Variants in LAP3 observed in about 807,000 individuals in gnomAD.
The protein encoded by LAP3 is leucine aminopeptidase 3.
A neutral mutation model predicts 58.8 loss-of-function variants in LAP3; 46 were observed. The ratio of observed to expected loss-of-function variants is 0.78; its 90% CI spans 0.62 to 1.00. LAP3 has a LOEUF of 1.00. Ranked by LOEUF, LAP3 falls within the 50% of genes least tolerant of loss-of-function variation. LAP3 has a pLI of 0.00. For missense variants in LAP3, 615 were observed against 659.1 expected (o/e 0.93, Z 0.73); for synonymous variants, 257 against 237.7 (o/e 1.08, Z -0.75).
chr4:17,589,116 A>C (rs1305378205), intron 7 of LAP3, 139 bp downstream of exon 7: 5 of 821,878 alleles, frequency 6.1e-6, no homozygotes. Context: ...GCTAGAGTGC[A>C]GTGGCGTGAT....
Position 17,607,389 on chromosome 4 carries a change from T to G in LAP3, c.1371-11T>G. On this transcript the variant is annotated splice_polypyrimidine_tract_variant and intron_variant, in intron 12 of 12. Transcript: ENST00000226299. Reference sequence around the variant, plus strand: ...ATGGGGTTGTAAAGTGCTTTTTGTCTTTCTCTTCAGATCTGCAGGAGCATG... The same window carrying G: ...ATGGGGTTGTAAAGTGCTTTTTGTCGTTCTCTTCAGATCTGCAGGAGCATG... 4 of 1,605,906 alleles carry G rather than the reference T, an allele frequency of 2.5e-6. No individual in the cohort carries two copies. Among genetic ancestry groups the G allele is most frequent in the Non-Finnish European group, 3.4e-6 (4 of 1,176,860 alleles).
chr4:17,599,822 T>C (rs1453588648), intron 10 of LAP3, among the ~76,000 whole-genome samples: 1 of 152,124 alleles, frequency 6.6e-6, no homozygotes, highest in Non-Finnish European at 1.5e-5. Flanking sequence ...AGCCAGCGCT[T>C]TAAGGCCAGG....
chr4:17,579,120 G>A (rs80242084), intron 1 of LAP3, among the ~76,000 whole-genome samples: 1,999 of 152,334 alleles, frequency 0.013, 42 homozygotes, highest in South Asian at 0.041. Flanking sequence ...CCAAAAGCTT[G>A]TATACCTTTT....
At chr4:17,580,509 C>T (rs1713337571) in intron 2 of LAP3, among the ~76,000 whole-genome samples, 1 of 151,892 alleles carries the variant, frequency 6.6e-6, no homozygotes, top group African/African-American at 2.4e-5. Flanking sequence ...AAGACTGATC[C>T]AGAATAATCT....
intron 11 of LAP3, among the ~76,000 whole-genome samples, chr4:17,605,429 T>A (rs1459973007): frequency 6.6e-6 from 1 of 152,174 alleles, no homozygotes; most frequent in African/African-American, 2.4e-5. Context: ...GCCTGATGGC[T>A]CCCATCTCTC....
At chr4:17,596,258 G>A (rs766316607) in intron 8 of LAP3, among the ~76,000 whole-genome samples, 83 of 152,078 alleles carry the variant, frequency 5.5e-4, no homozygotes, top group African/African-American at 7.0e-4. Context: ...TATCTTTTCC[G>A]AGGATTAATT....
At chr4:17,581,611 A>G (rs1255105292) in intron 2 of LAP3, 149 bp from the exon 3 acceptor site, 26 of 604,510 alleles carry the variant, frequency 4.3e-5, no homozygotes, top group Non-Finnish European at 8.8e-6. Flanking sequence ...CTGGCTTGAG[A>G]GCATTCTGTA....
intron 11 of LAP3, 101 bp from the exon 12 acceptor site, chr4:17,606,728 A>C: frequency 1.5e-6 from 1 of 650,058 alleles, no homozygotes; most frequent in Non-Finnish European, 2.7e-6. Context: ...TTAGAGTAAC[A>C]GGTTAGAACA....
At chr4:17,593,294 G>T (rs1028882542) in intron 7 of LAP3, among the ~76,000 whole-genome samples, 5 of 152,006 alleles carry the variant, frequency 3.3e-5, no homozygotes, top group African/African-American at 1.2e-4. Context: ...GGTGTGAAAA[G>T]ACCTGGTTTG....
Position 17,577,281 on chromosome 4 carries a change from C to T in LAP3, c.-185C>T. 1 of 480,662 alleles carries T rather than the reference C, an allele frequency of 2.1e-6. No homozygotes were observed. Among genetic ancestry groups the T allele is most frequent in the South Asian group, 3.1e-5 (1 of 31,898 alleles). 29.8% of individuals were successfully genotyped at this position (480,662 alleles called of 1,614,324 possible). On this transcript the variant is annotated 5_prime_UTR_variant, in exon 1 of 13. Transcript: ENST00000226299. ...GTCCCCTCCACAACCGCGGTTTGAT[C>T]CCAGCGGTCCAGTCGGCCGGTGCTG...
At position 17,598,481 on chromosome 4, in the gene LAP3, G is replaced by A. The variant is rs373830479; in HGVS notation, c.1103G>A (p.Arg368Lys). 2.3e-4 allele frequency: 365 copies of A among 1,613,932 alleles called. No individual in the cohort carries two copies. Among genetic ancestry groups the A allele is most frequent in the Non-Finnish European group, 3.0e-4 (359 of 1,179,936 alleles). ...GTTGATAACACTGATGCTGAGGGGA[G>A]GCTCATACTGGCTGATGCGCTCTGT... ...IQVDNTDAEG[R>K]LILADALCYA... The change falls in exon 10 of 13, where the codon AGG (arginine) becomes AAG (lysine). Residue 368 changes from arginine to lysine, a missense_variant. By Grantham distance (26) the Arg-to-Lys change is conservative. Transcript: ENST00000226299.
chr4:17,606,313 A>G (rs1714137550), intron 11 of LAP3, among the ~76,000 whole-genome samples: 1 of 152,202 alleles, frequency 6.6e-6, no homozygotes. Flanking sequence ...ATTGCTTCAC[A>G]GCATTCCCGG....
chr4:17,595,840 G>A (rs764221462), intron 8 of LAP3, among the ~76,000 whole-genome samples: 2 of 152,112 alleles, frequency 1.3e-5, no homozygotes, highest in Admixed American at 6.5e-5. Flanking sequence ...TGGGTACTTG[G>A]GGTGGCAGGA....
At chr4:17,580,491 T>G (rs1412933007) in intron 2 of LAP3, among the ~76,000 whole-genome samples, 2 of 151,902 alleles carry the variant, frequency 1.3e-5, no homozygotes, top group African/African-American at 2.4e-5. Context: ...ATCAGAAATC[T>G]ATTGTGAAAG....
At position 17,577,397 on chromosome 4, in the gene LAP3, C is replaced by G; in HGVS notation, c.-69C>G. 3 of 1,278,732 alleles carry G rather than the reference C, an allele frequency of 2.3e-6. No homozygotes were observed. Among genetic ancestry groups the G allele is most frequent in the Non-Finnish European group, 3.1e-6 (3 of 955,622 alleles). The allele number at this position is 1,278,732 out of a possible 1,614,324, so 79.2% of individuals were successfully genotyped here. ...CCGTCTGCGCCCCGAAAGCCCCGCC[C>G]CAAGGCGCGCCCGCCCACCGCTCTC... On this transcript the variant is annotated 5_prime_UTR_variant, in exon 1 of 13. Transcript: ENST00000226299.
Position 17,577,459 on chromosome 4 carries a change from C to T in LAP3, c.-7C>T, listed in dbSNP as rs760464549. ...TGGAGGGCGGTGCGAGGGGCCGAGCCGACAAGATGTTCTTGCTGCCTCTTC... is the reference window on the plus strand; with the variant it reads ...TGGAGGGCGGTGCGAGGGGCCGAGCTGACAAGATGTTCTTGCTGCCTCTTC... On this transcript the variant is annotated 5_prime_UTR_variant, in exon 1 of 13. An upstream open reading frame in the 5' UTR gains an earlier in-frame stop. Transcript: ENST00000226299. 1.3e-5 allele frequency: 20 copies of T among 1,559,938 alleles called. No individual in the cohort carries two copies. Among genetic ancestry groups the T allele is most frequent in the Admixed American group, 1.9e-5 (1 of 53,028 alleles).
At chr4:17,584,697 G>A (rs965014711) in intron 5 of LAP3, 6 of 280,144 alleles carry the variant, frequency 2.1e-5, no homozygotes, top group Non-Finnish European at 3.4e-5. Flanking sequence ...CACAGCACAG[G>A]CCCTTTTTCA....
chr4:17,595,555 C>T, intron 8 of LAP3, 21 bp downstream of exon 8: 1 of 1,611,292 alleles, frequency 6.2e-7, no homozygotes, highest in Non-Finnish European at 8.5e-7. Context: ...TAACGGATTA[C>T]ATCTCATAAC....
At chr4:17,599,854 T>A (rs1713942937) in intron 10 of LAP3, among the ~76,000 whole-genome samples, 1 of 152,186 alleles carries the variant, frequency 6.6e-6, no homozygotes, top group Admixed American at 6.5e-5. Flanking sequence ...CTCCCAGCTG[T>A]GCCACTTACT....
Sources: allele counts gnomAD v4.1 joint callset (sites outside exome capture counted in the v4.1 genomes callset), GRCh38; gene constraint gnomAD v4.1.1; transcripts MANE v1.5; gene names NCBI Gene and HGNC (gene_info 2026-07-23, HGNC 2026-07-21).